Variants in DNAH11 observed in about 807,000 individuals in gnomAD.
DNAH11 encodes axonemal beta dynein heavy chain 11.
DNAH11 carries 442 observed loss-of-function variants against 526.0 expected under a neutral mutation model. The ratio of observed to expected loss-of-function variants is 0.84; its 90% CI spans 0.78 to 0.91. The LOEUF is 0.91. Among genes scored for constraint, DNAH11 ranks in the 40% least tolerant of loss-of-function variants. The probability of loss-of-function intolerance (pLI) is 0.00; values close to 1 mark genes in which losing one functional copy is unlikely to be tolerated. For synonymous variants in DNAH11, 2,461 were observed against 1,935.9 expected (o/e 1.27, Z -7.12); for missense variants, 6,989 against 5,448.7 (o/e 1.28, Z -8.90).
intron 79 of DNAH11, among the ~76,000 whole-genome samples, chr7:21,897,907 A>T (rs1784582809): frequency 6.6e-6 from 1 of 152,104 alleles, no homozygotes; most frequent in African/African-American, 2.4e-5. Context: ...GTGAGCCACC[A>T]CGTCTGGCCT....
At position 21,829,123 on chromosome 7, in the gene DNAH11, G is replaced by A. The variant is rs533896644; in HGVS notation, c.10691+10784G>A. ...GCTGCACTCTTGACTGTAGCTGTTG[G>A]AATTCCCAAGTCTAATCTAGAAGCT... On this transcript the variant is annotated intron_variant, in intron 65 of 81. Coordinates refer to ENST00000409508, the MANE Select transcript of DNAH11 (RefSeq NM_001277115.2). 1.6e-4 allele frequency among the ~76,000 whole-genome samples: 25 copies of A among 152,196 alleles called. 2 individuals are homozygous for A. The South Asian group carries it at 1.7e-3, about 10-fold the overall frequency.
chr7:21,547,013 C>T (rs942887363), intron 2 of DNAH11, among the ~76,000 whole-genome samples: 1 of 152,162 alleles, frequency 6.6e-6, no homozygotes, highest in Non-Finnish European at 1.5e-5. Flanking sequence ...CTTGGTGAAC[C>T]TTACTTTGGT....
chr7:21,580,844 G>A (rs117278517), intron 8 of DNAH11, among the ~76,000 whole-genome samples: 19 of 152,140 alleles, frequency 1.2e-4, no homozygotes, highest in Non-Finnish European at 2.6e-4. Flanking sequence ...ACTCTAGCAG[G>A]TATATTCCTT....
intron 52 of DNAH11, 35 bp downstream of exon 52, chr7:21,748,777 T>C: frequency 6.3e-7 from 1 of 1,579,736 alleles, no homozygotes; most frequent in East Asian, 2.3e-5. Flanking sequence ...TTCTGACCCT[T>C]CTGCTTGGCA....
intron 28 of DNAH11, among the ~76,000 whole-genome samples, chr7:21,654,967 G>A (rs751139545): frequency 6.6e-6 from 1 of 152,124 alleles, no homozygotes; most frequent in Non-Finnish European, 1.5e-5. Context: ...TCATTCTGGG[G>A]TTGCGGTTGG....
chr7:21,720,864 T>A lies in DNAH11; in HGVS notation c.7266+8T>A, dbSNP rs1486256470. 4 of 1,610,698 alleles carry A rather than the reference T, an allele frequency of 2.5e-6. No individual in the cohort carries two copies. The highest frequency in any genetic ancestry group is 3.4e-6 in the Non-Finnish European group (4 of 1,178,358). On this transcript the variant is annotated splice_region_variant and intron_variant, in intron 44 of 81. Coordinates refer to ENST00000409508, the MANE Select transcript of DNAH11 (RefSeq NM_001277115.2). ...ACCCTGCTACAAGATCAGGTATGTTTAGAAATAGTTTACAGGACCAGTTTC... is the reference window on the plus strand; with the variant it reads ...ACCCTGCTACAAGATCAGGTATGTTAAGAAATAGTTTACAGGACCAGTTTC...
At chr7:21,890,031 T>G (rs919798788) in intron 76 of DNAH11, among the ~76,000 whole-genome samples, 2 of 152,228 alleles carry the variant, frequency 1.3e-5, no homozygotes, top group Admixed American at 1.3e-4. Flanking sequence ...AAATCAAGTC[T>G]GCTGCTAGGG....
intron 49 of DNAH11, among the ~76,000 whole-genome samples, chr7:21,743,095 T>C (rs2906692): frequency 0.93 from 142,011 of 152,288 alleles, 66,297 homozygotes; most frequent in African/African-American, 0.95. Context: ...TTAATATTGT[T>C]ACATGGGCAA....
Position 21,899,429 on chromosome 7 carries a change from C to A in DNAH11, c.13143C>A (p.Asn4381Lys). ...PAVVWLSGFF[N>K]PQSFLTAIMQ... ...TCGTGTGGCTCTCCGGCTTCTTCAA[C>A]CCTCAGTCCTTCTTAACTGGTAAGG... is the stretch of plus-strand genomic sequence containing the variant. The change falls in exon 80 of 82, where the codon AAC becomes AAA. Residue 4381 changes from asparagine (N) to lysine (K), a missense_variant. Physicochemically the swap from Asn to Lys is moderately conservative, Grantham distance 94 (BLOSUM62 0). Coordinates refer to ENST00000409508, the MANE Select transcript of DNAH11 (RefSeq NM_001277115.2). 1.2e-6 allele frequency: 2 copies of A among 1,613,662 alleles called. No individual in the cohort carries two copies. Among genetic ancestry groups the A allele is most frequent in the Non-Finnish European group, 1.7e-6 (2 of 1,179,642 alleles).
At chr7:21,656,339 GA>G (rs1782015463) in intron 29 of DNAH11, among the ~76,000 whole-genome samples, 1 of 152,192 alleles carries the variant, frequency 6.6e-6, no homozygotes, top group Admixed American at 6.5e-5. Context: ...GGAGAACAGA[GA>G]AGGGTTATAG....
intron 42 of DNAH11, among the ~76,000 whole-genome samples, chr7:21,715,403 C>T (rs1301606832): frequency 6.6e-6 from 1 of 152,182 alleles, no homozygotes; most frequent in African/African-American, 2.4e-5. Context: ...TGGAAAGCCA[C>T]AATTCTCTGT....
intron 79 of DNAH11, among the ~76,000 whole-genome samples, chr7:21,897,466 A>C (rs1784559556): frequency 6.6e-6 from 1 of 152,102 alleles, no homozygotes; most frequent in South Asian, 2.1e-4. Flanking sequence ...AAATGGCTTC[A>C]TGTTTTCCCC....
chr7:21,813,395 T>A (rs1789619870), intron 63 of DNAH11, among the ~76,000 whole-genome samples: 1 of 152,192 alleles, frequency 6.6e-6, no homozygotes, highest in African/African-American at 2.4e-5. Context: ...TAGAGATATC[T>A]ACCTTGCAGA....
At chr7:21,608,586 G>T (rs976264404) in intron 20 of DNAH11, among the ~76,000 whole-genome samples, 1 of 152,138 alleles carries the variant, frequency 6.6e-6, no homozygotes, top group Non-Finnish European at 1.5e-5. Flanking sequence ...CTTTCACTTG[G>T]CAGAAGAAAA....
intron 66 of DNAH11, among the ~76,000 whole-genome samples, chr7:21,844,867 G>C (rs993181723): frequency 1.3e-5 from 2 of 152,088 alleles, no homozygotes; most frequent in Non-Finnish European, 1.5e-5. Context: ...ATCAAGGCTG[G>C]GTATCAGTGG....
intron 81 of DNAH11, 45 bp downstream of exon 81, chr7:21,900,165 G>A (rs777158315): frequency 1.4e-5 from 22 of 1,567,646 alleles, no homozygotes; most frequent in South Asian, 2.4e-5. Context: ...TCTTACTCAG[G>A]TTCAGATCAG....
In DNAH11 at chr7:21,878,549, C is replaced by T. The variant is rs570433352; in HGVS notation, c.12196-2153C>T. On this transcript the variant is annotated intron_variant, in intron 74 of 81. Transcript: ENST00000409508. ...TCTTTTCTGCCTTCACAAGCTTGCC[C>T]TTTATTTGTGGAAAAGTTATTTTTT... Among the ~76,000 whole-genome samples, 23 of 152,170 alleles carry T rather than the reference C, an allele frequency of 1.5e-4. No individual in the cohort carries two copies. In the East Asian group the frequency reaches 4.4e-3, roughly 29 times the overall value.
intron 2 of DNAH11, among the ~76,000 whole-genome samples, chr7:21,545,539 A>G (rs1238228108): frequency 6.6e-6 from 1 of 152,226 alleles, no homozygotes; most frequent in Non-Finnish European, 1.5e-5. Flanking sequence ...CACTTTGAAA[A>G]TGAGTATTAT....
chr7:21,561,179 C>A lies in DNAH11; in HGVS notation c.982+9C>A. 6.4e-7 allele frequency: 1 copy of A among 1,567,716 alleles called. No individual in the cohort carries two copies. The highest frequency in any genetic ancestry group is 8.7e-7 in the Non-Finnish European group (1 of 1,150,690). On this transcript the variant is annotated intron_variant, in intron 5 of 81. Transcript: ENST00000409508. The stretch of plus-strand genomic sequence containing the variant: ...TCTGGCTGTGGAAAATGGTAAGACT[C>A]TTGTTCCTCAGCCTGGCATCAATAT...
Sources: gnomAD v4.1 joint callset for allele counts (sites outside exome capture counted in the v4.1 genomes callset) on GRCh38, gnomAD v4.1.1 for gene constraint, MANE v1.5 for transcripts, NCBI Gene and HGNC (gene_info 2026-07-23, HGNC 2026-07-21) for gene names.